RHOBTB3: variants seen among roughly 807,000 people sequenced by gnomAD.
RHOBTB3 encodes rho-related BTB domain-containing protein 3.
A neutral mutation model predicts 67.2 loss-of-function variants in RHOBTB3; 47 were observed. That is an observed-to-expected ratio of 0.70 (90% confidence interval 0.55 to 0.89). The LOEUF is 0.89. Among genes scored for constraint, RHOBTB3 ranks in the 40% least tolerant of loss-of-function variants. The pLI is 0.00. For missense variants in RHOBTB3, 631 were observed against 750.0 expected (o/e 0.84, Z 1.85); for synonymous variants, 273 against 274.2 (o/e 1.00, Z 0.04).
Position 95,788,838 on chromosome 5 carries a change from C to T in RHOBTB3, c.1700C>T (p.Pro567Leu). The T allele has an allele frequency of 6.4e-7, 1 of 1,559,596 alleles. No homozygotes were observed. Among genetic ancestry groups the T allele is most frequent in the Non-Finnish European group, 8.6e-7 (1 of 1,160,458 alleles). The change falls in exon 11 of 12, where the codon CCT becomes CTT. Residue 567 changes from proline to leucine, a missense_variant. Physicochemically the swap from Pro to Leu is moderately conservative, Grantham distance 98. Transcript: ENST00000379982. ...ATNYLIFSQK[P>L]EFQDLSVEER... ...AACTACCTCATCTTCAGTCAAAAGC[C>T]TGAATTTCAGGATCTTTCAGGTAGA...
At chr5:95,773,067 A>G (rs1377493418) in intron 8 of RHOBTB3, among the ~76,000 whole-genome samples, 1 of 152,244 alleles carries the variant, frequency 6.6e-6, no homozygotes, top group East Asian at 1.9e-4. Context: ...ATCAAACATT[A>G]TGTTAGCATA....
At chr5:95,759,862 T>C (rs975138121) in intron 6 of RHOBTB3, among the ~76,000 whole-genome samples, 4 of 152,046 alleles carry the variant, frequency 2.6e-5, no homozygotes, top group African/African-American at 9.7e-5. Flanking sequence ...AAAGCAGAGG[T>C]TGAACTCCAT....
Position 95,770,707 on chromosome 5 carries a change from T to G in RHOBTB3, c.1282+2541T>G. 3 of 469,530 alleles carry G rather than the reference T, an allele frequency of 6.4e-6. 1 individual carries two copies. The highest frequency in any genetic ancestry group is 5.0e-5 in the South Asian group (3 of 59,760). The allele number at this position is 469,530 out of a possible 1,614,324, so 29.1% of individuals were successfully genotyped here. ...TGGGATGGGAGGTGGCATTTCTGAT[T>G]CCTAGAATAGGGCTTGACATTTATT... On this transcript the variant is annotated intron_variant, in intron 8 of 11. Coordinates refer to ENST00000379982, the MANE Select transcript of RHOBTB3 (RefSeq NM_014899.4).
At chr5:95,772,929 G>A (rs558510502) in intron 8 of RHOBTB3, among the ~76,000 whole-genome samples, 1 of 152,184 alleles carries the variant, frequency 6.6e-6, no homozygotes, top group Non-Finnish European at 1.5e-5. Context: ...CAAGTAAATT[G>A]AATATGAATG....
chr5:95,735,663 G>A (rs2112774961), intron 2 of RHOBTB3, among the ~76,000 whole-genome samples: 1 of 152,160 alleles, frequency 6.6e-6, no homozygotes, highest in Non-Finnish European at 1.5e-5. Context: ...GTGTACCAAA[G>A]GCCACATAAA....
intron 3 of RHOBTB3, among the ~76,000 whole-genome samples, chr5:95,744,305 A>G (rs1025075386): frequency 1.3e-5 from 2 of 152,100 alleles, no homozygotes; most frequent in African/African-American, 4.8e-5. Context: ...TTAAATCATT[A>G]CACTTTCTGT....
chr5:95,788,327 C>T (rs1476902727), intron 10 of RHOBTB3, among the ~76,000 whole-genome samples: 4 of 152,226 alleles, frequency 2.6e-5, no homozygotes, highest in Admixed American at 6.5e-5. Flanking sequence ...TGCCTTCGGC[C>T]GATGGTGTTT....
chr5:95,767,631 A>C (rs951857928), intron 7 of RHOBTB3: 1 of 539,894 alleles, frequency 1.9e-6, no homozygotes, highest in Non-Finnish European at 3.3e-6. Flanking sequence ...GCACCTGGCC[A>C]AAAAATGTAT....
At chr5:95,724,443 T>C (rs1243122959) in intron 1 of RHOBTB3, among the ~76,000 whole-genome samples, 2 of 152,228 alleles carry the variant, frequency 1.3e-5, no homozygotes, top group African/African-American at 4.8e-5. Flanking sequence ...GAAAATTCTA[T>C]AAGATAGAAG....
intron 2 of RHOBTB3, among the ~76,000 whole-genome samples, chr5:95,734,222 C>T (rs1580393578): frequency 6.6e-6 from 1 of 152,206 alleles, no homozygotes. Context: ...ACTGGGGCAG[C>T]GATGTTCATA....
At chr5:95,739,237 C>T (rs1456547932) in intron 3 of RHOBTB3, among the ~76,000 whole-genome samples, 1 of 152,192 alleles carries the variant, frequency 6.6e-6, no homozygotes, top group Non-Finnish European at 1.5e-5. Flanking sequence ...TTCCGCATAT[C>T]CAGTTGATTA....
intron 8 of RHOBTB3, chr5:95,770,015 G>A: frequency 2.5e-6 from 1 of 399,492 alleles, no homozygotes; most frequent in Non-Finnish European, 5.0e-6. Flanking sequence ...GTTTGGAGAA[G>A]GGGGTAGGCC....
chr5:95,786,097 C>T (rs1439375509), intron 10 of RHOBTB3, among the ~76,000 whole-genome samples: 1 of 152,174 alleles, frequency 6.6e-6, no homozygotes, highest in East Asian at 1.9e-4. Context: ...CCTAAATTTA[C>T]CAGTTTTCCT....
intron 3 of RHOBTB3, among the ~76,000 whole-genome samples, chr5:95,746,301 C>T (rs1420059476): frequency 6.6e-6 from 1 of 152,014 alleles, no homozygotes; most frequent in Non-Finnish European, 1.5e-5. Flanking sequence ...ACACTCCTGT[C>T]TCTGCTTGAT....
intron 10 of RHOBTB3, among the ~76,000 whole-genome samples, chr5:95,785,735 A>T (rs1332793236): frequency 6.6e-6 from 1 of 152,160 alleles, no homozygotes; most frequent in Non-Finnish European, 1.5e-5. Flanking sequence ...TTCATTTTTG[A>T]TGTATCATTT....
chr5:95,731,697 C>T lies in RHOBTB3; in HGVS notation c.2+13C>T, dbSNP rs376920320. On this transcript the variant is annotated intron_variant, in intron 1 of 11. Transcript: ENST00000379982. ...GATTTGAGATCATGTACGTACGCGC[C>T]GCCGTCCTGCCATTGTCTCTCTCCA... The T allele has an allele frequency of 1.7e-4, 267 of 1,613,168 alleles. No individual in the cohort carries two copies. The highest frequency in any genetic ancestry group is 2.1e-4 in the Non-Finnish European group (253 of 1,179,764).
chr5:95,785,904 A>G (rs1207127986), intron 10 of RHOBTB3, among the ~76,000 whole-genome samples: 1 of 151,980 alleles, frequency 6.6e-6, no homozygotes, highest in African/African-American at 2.4e-5. Context: ...GCCCCCCTAC[A>G]CTTGGTTCCT....
intron 1 of RHOBTB3, among the ~76,000 whole-genome samples, chr5:95,722,720 T>C (rs1754925354): frequency 6.6e-6 from 1 of 152,154 alleles, no homozygotes; most frequent in South Asian, 2.1e-4. Context: ...GAACTCCTGT[T>C]GATCCTCCCA....
chr5:95,781,730 A>T (rs1442264261), intron 9 of RHOBTB3: 1 of 152,310 alleles, frequency 6.6e-6, no homozygotes, highest in Non-Finnish European at 1.5e-5. Context: ...TGTGCCTGTA[A>T]TCCCAGCTAC....
Sources: allele counts gnomAD v4.1 joint callset (sites outside exome capture counted in the v4.1 genomes callset), GRCh38; gene constraint gnomAD v4.1.1; transcripts MANE v1.5; gene names NCBI Gene and HGNC (gene_info 2026-07-23, HGNC 2026-07-21).